Variants in MACROD2 observed in about 807,000 individuals in gnomAD.
MACROD2 encodes ADP-ribose glycohydrolase MACROD2.
MACROD2 carries 36 observed loss-of-function variants against 70.4 expected under a neutral mutation model. The observed-to-expected ratio is 0.51, with a 90% CI of 0.39 to 0.68. MACROD2 has a LOEUF of 0.68. MACROD2 is among the 30% of genes least tolerant of loss of function. MACROD2 has a pLI of 0.00. For missense variants in MACROD2, 496 were observed against 538.4 expected (o/e 0.92, Z 0.78); for synonymous variants, 172 against 178.8 (o/e 0.96, Z 0.30).
intron 5 of MACROD2, among the ~76,000 whole-genome samples, chr20:15,199,631 A>G (rs562597574): frequency 6.6e-6 from 1 of 152,298 alleles, no homozygotes; most frequent in East Asian, 1.9e-4. Context: ...TATTGGGGAA[A>G]TAGATATTTT....
Position 14,918,099 on chromosome 20 carries a change from G to A in MACROD2, c.418+233140G>A, listed in dbSNP as rs184844957. On this transcript the variant is annotated intron_variant, in intron 5 of 17. Coordinates refer to ENST00000684519, the MANE Select transcript of MACROD2 (RefSeq NM_001351661.2). ...GGTGATCCTCCCATCTCAGCCTCAC[G>A]AGTAGGTGGAACTACAGGCACACAC... is the stretch of plus-strand genomic sequence containing the variant. Among the ~76,000 whole-genome samples, 271 of 151,924 alleles carry A rather than the reference G, an allele frequency of 1.8e-3. 11 individuals carry two copies. Among genetic ancestry groups the A allele is most frequent in the Admixed American group, 0.017 (264 of 15,250 alleles).
intron 8 of MACROD2, among the ~76,000 whole-genome samples, chr20:15,791,424 A>G (rs2063623763): frequency 6.6e-6 from 1 of 151,882 alleles, no homozygotes; most frequent in East Asian, 1.9e-4. Context: ...TAAATGAGAC[A>G]TTGTCTCTTG....
chr20:15,993,955 T>C (rs1217179661), intron 15 of MACROD2, among the ~76,000 whole-genome samples: 4 of 152,150 alleles, frequency 2.6e-5, no homozygotes, highest in Non-Finnish European at 5.9e-5. Flanking sequence ...AGAGGGATTA[T>C]CTGGAGGGTG....
chr20:15,558,060 T>C lies in MACROD2; in HGVS notation c.645+58213T>C, dbSNP rs138140041. Among the ~76,000 whole-genome samples, 201 of 152,304 alleles carry C rather than the reference T, an allele frequency of 1.3e-3. 2 individuals carry two copies. Among genetic ancestry groups the C allele is most frequent in the African/African-American group, 4.5e-3 (186 of 41,558 alleles). On this transcript the variant is annotated intron_variant, in intron 8 of 17. Transcript: ENST00000684519. ...CCCAATTCTATGTGGTAAGCATAAC[T>C]AAGATATAAAAAGATGACAAGAGTC...
At chr20:14,992,570 T>C (rs553930171) in intron 5 of MACROD2, among the ~76,000 whole-genome samples, 2 of 152,318 alleles carry the variant, frequency 1.3e-5, no homozygotes, top group African/African-American at 4.8e-5. Context: ...TAATGTGATA[T>C]GGCCTTTAAG....
rs1432519296 is a variant in MACROD2 at position 15,828,487 on chromosome 20, G to T, written c.646-34258G>T. 2.6e-5 allele frequency among the ~76,000 whole-genome samples: 4 copies of T among 152,124 alleles called. No homozygotes were observed. In the East Asian group the frequency reaches 7.7e-4, roughly 29 times the overall value. ...AAAGGTACAAGGTAACAAATATACT[G>T]ACATTTGCTCTTGAAGGGAAGAAAA... On this transcript the variant is annotated intron_variant, in intron 8 of 17. Coordinates refer to ENST00000684519, the MANE Select transcript of MACROD2 (RefSeq NM_001351661.2).
chr20:15,008,172 T>C (rs1327166299), intron 5 of MACROD2, among the ~76,000 whole-genome samples: 1 of 152,210 alleles, frequency 6.6e-6, no homozygotes, highest in Non-Finnish European at 1.5e-5. Flanking sequence ...TATAAGATTA[T>C]TTAAAATCTT....
chr20:15,830,303 T>C (rs1030538239), intron 8 of MACROD2, among the ~76,000 whole-genome samples: 1 of 152,210 alleles, frequency 6.6e-6, no homozygotes, highest in Non-Finnish European at 1.5e-5. Flanking sequence ...GCTGCTTTCA[T>C]AGGATAAGTA....
At position 15,460,997 on chromosome 20, in the gene MACROD2, TA is replaced by T. The variant is rs1185457786; in HGVS notation, c.571+29563del. 8.2e-3 allele frequency among the ~76,000 whole-genome samples: 695 copies of T among 85,112 alleles called. 30 individuals carry two copies. The highest frequency in any genetic ancestry group is 0.026 in the African/African-American group (574 of 21,890). The allele number at this position is 85,112 out of a possible 152,430, so 55.8% of individuals were successfully genotyped here. A position where few individuals can be genotyped will look rare whatever the true frequency, so the allele number is the denominator to read the frequency against. On this transcript the variant is annotated intron_variant, in intron 7 of 17. Coordinates refer to ENST00000684519, the MANE Select transcript of MACROD2 (RefSeq NM_001351661.2). ...CTCTCCATATATATATATATATATA[TA>T]TATATATATTTTTTTTTAATAGATG...
intron 7 of MACROD2, among the ~76,000 whole-genome samples, chr20:15,460,098 A>G (rs540328502): frequency 6.6e-6 from 1 of 152,206 alleles, no homozygotes; most frequent in East Asian, 1.9e-4. Flanking sequence ...AGACACGACT[A>G]TTGTTTCTGC....
intron 5 of MACROD2, among the ~76,000 whole-genome samples, chr20:14,783,074 C>T (rs557065608): frequency 7.3e-4 from 111 of 152,194 alleles, no homozygotes; most frequent in African/African-American, 2.6e-3. Flanking sequence ...CTTCTTCCAC[C>T]CAAAGCACCT....
intron 4 of MACROD2, among the ~76,000 whole-genome samples, chr20:14,603,405 T>C (rs1206355737): frequency 6.6e-6 from 1 of 152,196 alleles, no homozygotes; most frequent in East Asian, 1.9e-4. Context: ...TTATTTTTCA[T>C]TCTTAATATC....
chr20:14,044,219 T>A (rs748492927), intron 2 of MACROD2, among the ~76,000 whole-genome samples: 25 of 152,036 alleles, frequency 1.6e-4, no homozygotes, highest in Non-Finnish European at 3.1e-4. Flanking sequence ...GCGGTGAGTG[T>A]TACAGCTCTT....
intron 8 of MACROD2, among the ~76,000 whole-genome samples, chr20:15,630,267 G>A (rs971401880): frequency 2.0e-5 from 3 of 152,202 alleles, no homozygotes; most frequent in Non-Finnish European, 4.4e-5. Flanking sequence ...AGATGATATC[G>A]CAAGAGATAA....
chr20:15,695,851 G>C (rs2050361354), intron 8 of MACROD2, among the ~76,000 whole-genome samples: 1 of 152,020 alleles, frequency 6.6e-6, no homozygotes. Context: ...CTTGATCACT[G>C]TTTGTGTGTA....
intron 5 of MACROD2, among the ~76,000 whole-genome samples, chr20:15,204,815 A>G (rs2076687512): frequency 6.6e-6 from 1 of 152,142 alleles, no homozygotes; most frequent in Non-Finnish European, 1.5e-5. Context: ...TAGAGTGACT[A>G]TCCTAAGGCT....
chr20:14,213,197 C>T (rs1386375094), intron 3 of MACROD2, among the ~76,000 whole-genome samples: 1 of 151,240 alleles, frequency 6.6e-6, no homozygotes, highest in Non-Finnish European at 1.5e-5. Flanking sequence ...AACATGCATA[C>T]AGTCTTGATA....
chr20:14,266,449 TTCTACATATTCTCTGA>T (rs1224369834), intron 3 of MACROD2, among the ~76,000 whole-genome samples: 2 of 152,170 alleles, frequency 1.3e-5, no homozygotes, highest in Admixed American at 6.5e-5. Flanking sequence ...AACCTGCATA[TTCTACATATTCTCTGA>T]TCTACATATT....
At position 15,305,775 on chromosome 20, in the gene MACROD2, T is replaced by C. The variant is rs563557674; in HGVS notation, c.540+75714T>C. Among the ~76,000 whole-genome samples the C allele has an allele frequency of 5.9e-5, 9 of 152,300 alleles. No homozygotes were observed. In the South Asian group the frequency reaches 1.0e-3, roughly 18 times the overall value. The stretch of plus-strand genomic sequence containing the variant: ...ATTGAAATAACCAAATAAACAACTA[T>C]AGACCGTAACATATAAGGTAAAATT... On this transcript the variant is annotated intron_variant, in intron 6 of 17. Coordinates refer to ENST00000684519, the MANE Select transcript of MACROD2 (RefSeq NM_001351661.2).
Sources: allele counts gnomAD v4.1 joint callset (sites outside exome capture counted in the v4.1 genomes callset), GRCh38; gene constraint gnomAD v4.1.1; transcripts MANE v1.5; gene names NCBI Gene and HGNC (gene_info 2026-07-23, HGNC 2026-07-21).